Variants in CD55 observed in about 807,000 individuals in gnomAD.
CD55 encodes the protein CD55 molecule (Cromer blood group), also known as complement decay-accelerating factor.
A neutral mutation model predicts 45.8 loss-of-function variants in CD55; 41 were observed. The observed-to-expected ratio is 0.90, with a 90% CI of 0.70 to 1.16. The LOEUF (loss-of-function observed/expected upper bound fraction) is 1.16, where lower values mean the gene tolerates loss of function less well. Ranked by LOEUF, CD55 falls within the 50% of genes most tolerant of loss-of-function variation. The pLI, the probability that CD55 is intolerant of heterozygous loss-of-function variation, is 0.00. For missense variants in CD55, 416 were observed against 469.8 expected, an observed-to-expected ratio of 0.89 and a Z score of 1.06; for synonymous variants, 181 against 181.1, an observed-to-expected ratio of 1.00 and a Z score of 0.01.
intron 5 of CD55, among the ~76,000 whole-genome samples, chr1:207,328,897 C>T (rs552184397): frequency 3.3e-5 from 5 of 152,324 alleles, no homozygotes; most frequent in South Asian, 2.1e-4. Context: ...AAATGGAGGT[C>T]GCTGGCCTAA....
chr1:207,323,272 G>C (rs920258900), intron 2 of CD55, among the ~76,000 whole-genome samples: 2 of 150,164 alleles, frequency 1.3e-5, no homozygotes, highest in Non-Finnish European at 3.0e-5. Flanking sequence ...TATATAGGGA[G>C]ATATATATAT....
chr1:207,344,309 A>G (rs1655544816), intron 9 of CD55, among the ~76,000 whole-genome samples: 1 of 152,094 alleles, frequency 6.6e-6, no homozygotes, highest in Non-Finnish European at 1.5e-5. Context: ...TGTTTGCTCT[A>G]CCAGTGGTTT....
In CD55 at chr1:207,322,459, G is replaced by C. The variant is rs1654462365; in HGVS notation, c.178G>C (p.Val60Leu). The C allele has an allele frequency of 6.2e-7, 1 of 1,614,214 alleles. No individual in the cohort carries two copies. Among genetic ancestry groups the C allele is most frequent in the East Asian group, 2.2e-5 (1 of 44,894 alleles). Residue 60 changes from valine to leucine, a missense_variant, in exon 2 of 10, where the codon GTA becomes CTA. Val to Leu is a conservative substitution (Grantham distance 32). Transcript: ENST00000367064. ...CCGTACAAGTTTTCCCGAGGATACT[G>C]TAATAACGTACAAATGTGAAGAAAG... ...EGRTSFPEDT[V>L]ITYKCEESFV... is the part of the protein sequence containing the mutation.
At chr1:207,330,763 C>T (rs1020141724) in intron 5 of CD55, among the ~76,000 whole-genome samples, 2 of 152,224 alleles carry the variant, frequency 1.3e-5, no homozygotes, top group African/African-American at 4.8e-5. Context: ...TCTGACTACA[C>T]TGCTTTCATC....
intron 7 of CD55, 138 bp from the exon 8 acceptor site, chr1:207,337,191 T>C: frequency 1.5e-6 from 1 of 661,208 alleles, no homozygotes; most frequent in Non-Finnish European, 2.7e-6. Context: ...CAGGCCACAC[T>C]AACAGCCCAA....
Position 207,360,919 on chromosome 1 carries a change from A to G in CD55, c.*1309A>G, listed in dbSNP as rs938193939. 6.6e-6 allele frequency: 1 copy of G among 152,102 alleles called. No individual in the cohort carries two copies. Among genetic ancestry groups the G allele is most frequent in the Non-Finnish European group, 1.5e-5 (1 of 68,010 alleles). The allele number at this position is 152,102 out of a possible 1,614,324, so 9.4% of individuals were successfully genotyped here. On this transcript the variant is annotated 3_prime_UTR_variant, in exon 10 of 10. Transcript: ENST00000367064. ...CATACGTTCATGGCATTTCACTGTA[A>G]AGACTTTAATGTGTATTTCTTAAAA...
chr1:207,342,476 T>G (rs1655466450), intron 9 of CD55, among the ~76,000 whole-genome samples: 1 of 152,170 alleles, frequency 6.6e-6, no homozygotes, highest in African/African-American at 2.4e-5. Context: ...ATGCTTCTTC[T>G]ATGCCTAGTT....
Position 207,359,645 on chromosome 1 carries a change from A to T in CD55, c.*35A>T, listed in dbSNP as rs766621630. Reference sequence around the variant, plus strand: ...AGTTAAGAAGAAAATACACACAAGTATACAGACTGTTCCTAGTTTCTTAGA... The same window carrying T: ...AGTTAAGAAGAAAATACACACAAGTTTACAGACTGTTCCTAGTTTCTTAGA... On this transcript the variant is annotated 3_prime_UTR_variant, in exon 10 of 10. Transcript: ENST00000367064. 6.4e-7 allele frequency: 1 copy of T among 1,559,964 alleles called. No individual in the cohort carries two copies. Among genetic ancestry groups the T allele is most frequent in the East Asian group, 2.3e-5 (1 of 43,388 alleles).
rs759976267 is a variant in CD55, at chr1:207,324,576, A to G, written c.304A>G (p.Thr102Ala). The part of the protein sequence containing the change: ...EFCNRSCEVP[T>A]RLNSASLKQP... ...ACTTTTAGGTAGCTGCGAGGTGCCA[A>G]CAAGGCTAAATTCTGCATCCCTCAA... Residue 102 changes from threonine to alanine, a missense_variant, in exon 3 of 10, where the codon ACA (threonine) becomes GCA (alanine). Physicochemically the swap from Thr to Ala is moderately conservative, Grantham distance 58 (BLOSUM62 0). Transcript: ENST00000367064. The G allele has an allele frequency of 3.8e-6, 6 of 1,568,732 alleles. No homozygotes were observed. Among genetic ancestry groups the G allele is most frequent in the Non-Finnish European group, 5.2e-6 (6 of 1,158,458 alleles).
intron 6 of CD55, among the ~76,000 whole-genome samples, chr1:207,335,440 C>G (rs1450715653): frequency 1.3e-5 from 2 of 152,090 alleles, no homozygotes; most frequent in African/African-American, 4.8e-5. Flanking sequence ...TGGAATTAAA[C>G]TAGATGTCAG....
At chr1:207,329,529 A>G (rs1654845374) in intron 5 of CD55, among the ~76,000 whole-genome samples, 1 of 152,174 alleles carries the variant, frequency 6.6e-6, no homozygotes, top group Non-Finnish European at 1.5e-5. Flanking sequence ...GCCATGGTCT[A>G]CCTACTGCTT....
chr1:207,340,867 C>T, intron 9 of CD55: 1 of 360,288 alleles, frequency 2.8e-6, no homozygotes, highest in Non-Finnish European at 5.0e-6. Flanking sequence ...TCAGGAACCT[C>T]CATATTGTTT....
intron 3 of CD55, 150 bp from the exon 4 acceptor site, chr1:207,325,472 T>C (rs544724371): frequency 1.9e-5 from 9 of 473,284 alleles, no homozygotes; most frequent in African/African-American, 1.6e-4. Context: ...TTATCTTAGG[T>C]GTACAACATG....
intron 5 of CD55, among the ~76,000 whole-genome samples, chr1:207,328,857 C>T (rs1206428994): frequency 6.6e-6 from 1 of 152,188 alleles, no homozygotes; most frequent in African/African-American, 2.4e-5. Context: ...AGGGCCACCC[C>T]TAACATTTTC....
chr1:207,357,522 A>G (rs894754099), intron 9 of CD55, among the ~76,000 whole-genome samples: 2 of 131,414 alleles, frequency 1.5e-5, no homozygotes, highest in Admixed American at 9.4e-5. Context: ...TACCAAAGCT[A>G]CTGCTTTGAG....
chr1:207,336,839 C>T (rs1272567479), intron 7 of CD55, 21 bp downstream of exon 7: 1 of 1,613,020 alleles, frequency 6.2e-7, no homozygotes, highest in East Asian at 2.2e-5. Flanking sequence ...TCCATCAGTT[C>T]TTCAAAAACA....
chr1:207,334,760 G>C lies in CD55; in HGVS notation c.854-1933G>C, dbSNP rs1038018650. ...ATTTAATCCAAAAGAGAACGAGAGA[G>C]AGAGAAGCAGAAAGGAACACAGAAT... On this transcript the variant is annotated intron_variant, in intron 6 of 9. Coordinates refer to ENST00000367064, the MANE Select transcript of CD55 (RefSeq NM_000574.5). Among the ~76,000 whole-genome samples, 54 of 152,230 alleles carry C rather than the reference G, an allele frequency of 3.5e-4. 1 individual carries two copies. The highest frequency in any genetic ancestry group is 1.3e-3 in the African/African-American group (52 of 41,546).
intron 5 of CD55, 54 bp from the exon 6 acceptor site, chr1:207,331,054 A>G: frequency 8.0e-7 from 1 of 1,247,590 alleles, no homozygotes; most frequent in Middle Eastern, 1.9e-4. Flanking sequence ...TCTTATTTGT[A>G]AAAATACTTT....
At chr1:207,345,941 C>T (rs1288277464) in intron 9 of CD55, among the ~76,000 whole-genome samples, 3 of 152,232 alleles carry the variant, frequency 2.0e-5, no homozygotes, top group Non-Finnish European at 1.5e-5. Context: ...AATGTTCGGA[C>T]CCAAGTGTTG....
Sources: allele counts gnomAD v4.1 joint callset (sites outside exome capture counted in the v4.1 genomes callset), GRCh38; gene constraint gnomAD v4.1.1; transcripts MANE v1.5; gene names NCBI Gene and HGNC (gene_info 2026-07-23, HGNC 2026-07-21).